Variants in RMST observed in about 807,000 individuals in gnomAD.
The protein encoded by RMST is rhabdomyosarcoma 2 associated transcript.
chr12:97,534,755 G>T (rs891194208), intron 11 of RMST, among the ~76,000 whole-genome samples: 6 of 151,620 alleles, frequency 4.0e-5, no homozygotes, highest in African/African-American at 1.5e-4. Flanking sequence ...TTCTCTTATA[G>T]CTGTGAAATA....
intron 10 of RMST, among the ~76,000 whole-genome samples, chr12:97,504,466 A>G (rs1878453596): frequency 6.6e-6 from 1 of 151,916 alleles, no homozygotes; most frequent in African/African-American, 2.4e-5. Flanking sequence ...GGTTTAATCT[A>G]AATCTTAAAT....
chr12:97,544,876 C>T, intron 11 of RMST, among the ~76,000 whole-genome samples: 1 of 152,012 alleles, frequency 6.6e-6, no homozygotes, highest in East Asian at 1.9e-4. Context: ...GATAGAATAT[C>T]AATTTCTGCC....
At chr12:97,549,873 T>C (rs537594672) in intron 11 of RMST, among the ~76,000 whole-genome samples, 1 of 152,188 alleles carries the variant, frequency 6.6e-6, no homozygotes, top group African/African-American at 2.4e-5. Context: ...AAGGGTAGGT[T>C]CAAGACCAGT....
intron 11 of RMST, chr12:97,551,836 G>A (rs1208117510): frequency 6.6e-6 from 1 of 152,092 alleles, no homozygotes; most frequent in African/African-American, 2.4e-5. Context: ...ACATAGGAAC[G>A]ACTATGCTCT....
chr12:97,555,484 G>A (rs1256295130), intron 11 of RMST, among the ~76,000 whole-genome samples: 2 of 152,170 alleles, frequency 1.3e-5, no homozygotes, highest in Non-Finnish European at 2.9e-5. Flanking sequence ...TAAATAAATA[G>A]CAGTTAAAAG....
At chr12:97,484,061 C>A (rs964051871) in intron 5 of RMST, among the ~76,000 whole-genome samples, 1 of 152,110 alleles carries the variant, frequency 6.6e-6, no homozygotes, top group Admixed American at 6.5e-5. Flanking sequence ...AACAGCTCTT[C>A]TTCTTGTGGT....
At chr12:97,499,629 T>C (rs1877848302) in intron 10 of RMST, among the ~76,000 whole-genome samples, 1 of 150,706 alleles carries the variant, frequency 6.6e-6, no homozygotes, top group Admixed American at 6.6e-5. Flanking sequence ...TTTTTCTTTT[T>C]TTTTCTTTTT....
intron 13 of RMST, chr12:97,563,926 G>T (rs1386450447): frequency 2.0e-6 from 1 of 498,408 alleles, no homozygotes; most frequent in Non-Finnish European, 4.2e-6. Flanking sequence ...CTAAGAAGGG[G>T]CCATCAGTAT....
chr12:97,546,715 T>A (rs1882959342), intron 11 of RMST, among the ~76,000 whole-genome samples: 1 of 152,236 alleles, frequency 6.6e-6, no homozygotes, highest in South Asian at 2.1e-4. Context: ...TCATGTACAA[T>A]ATGATGTTCT....
chr12:97,523,901 C>A (rs895485386), intron 10 of RMST, among the ~76,000 whole-genome samples: 70 of 151,496 alleles, frequency 4.6e-4, no homozygotes, highest in Non-Finnish European at 9.0e-4. Context: ...CACGGTGAAA[C>A]CCCATCTCTA....
intron 10 of RMST, among the ~76,000 whole-genome samples, chr12:97,528,735 AAAGT>A (rs1565932427): frequency 2.6e-5 from 4 of 152,160 alleles, no homozygotes; most frequent in South Asian, 2.1e-4. Flanking sequence ...TTTAATTTTA[AAAGT>A]AAGTGAGTGG....
chr12:97,524,599 T>C lies in RMST; in HGVS notation n.1341-6056T>C, dbSNP rs150139238. 3.9e-3 allele frequency among the ~76,000 whole-genome samples: 599 copies of C among 152,304 alleles called. 7 individuals are homozygous for C. Among genetic ancestry groups the C allele is most frequent in the African/African-American group, 0.014 (562 of 41,562 alleles). On this transcript the variant is annotated intron_variant and non_coding_transcript_variant, in intron 10 of 13. Coordinates refer to ENST00000640149, the Ensembl canonical transcript of RMST. ...ATATGTCAACTAATCTGTTTAACTA[T>C]CATCTACCTCCTGAGTTTTATGCTC... is the stretch of plus-strand genomic sequence containing the variant.
intron 12 of RMST, chr12:97,560,793 T>G (rs1321704338): frequency 6.6e-6 from 1 of 152,182 alleles, no homozygotes; most frequent in Non-Finnish European, 1.5e-5. Context: ...AAAAATCATT[T>G]TAGGTGCAGG....
chr12:97,531,046 T>A (rs1881574186), intron 11 of RMST, among the ~76,000 whole-genome samples: 1 of 149,684 alleles, frequency 6.7e-6, no homozygotes, highest in Admixed American at 6.7e-5. Context: ...ATTCATAATA[T>A]AACTAAACAG....
intron 11 of RMST, among the ~76,000 whole-genome samples, chr12:97,548,428 A>G (rs978194901): frequency 1.3e-5 from 2 of 152,102 alleles, no homozygotes; most frequent in Non-Finnish European, 2.9e-5. Context: ...TTCTGTAAAA[A>G]TGCCATTGGA....
chr12:97,483,622 A>G (rs1565919561), intron 5 of RMST: 1 of 152,190 alleles, frequency 6.6e-6, no homozygotes, highest in Admixed American at 6.5e-5. Context: ...AGTGTTCTCT[A>G]TGTGGAGGTG....
At chr12:97,483,288 A>T (rs1875664470) in intron 5 of RMST, 2 of 152,172 alleles carry the variant, frequency 1.3e-5, no homozygotes, top group African/African-American at 4.8e-5. Context: ...GTAAGCATGT[A>T]TAGATAGGTT....
chr12:97,528,385 G>A (rs1326440709), intron 10 of RMST, among the ~76,000 whole-genome samples: 1 of 151,980 alleles, frequency 6.6e-6, no homozygotes, highest in Non-Finnish European at 1.5e-5. Context: ...CTTCTTTGGA[G>A]ACATTGTTTC....
chr12:97,540,134 C>G lies in RMST; in HGVS notation n.1545+9275C>G, dbSNP rs1425428608. On this transcript the variant is annotated intron_variant and non_coding_transcript_variant, in intron 11 of 13. Transcript: ENST00000640149. ...AGATTGTAGGCGCATTGAGGGAAAT[C>G]TATTTCTTTGTTAACCTTCTGTCTA... Among the ~76,000 whole-genome samples, 3 of 151,658 alleles carry G rather than the reference C, an allele frequency of 2.0e-5. No homozygotes were observed. The East Asian group carries it at 5.8e-4, about 29-fold the overall frequency.
Sources: allele counts gnomAD v4.1 joint callset (sites outside exome capture counted in the v4.1 genomes callset), GRCh38; gene constraint gnomAD v4.1.1; transcripts MANE v1.5; gene names NCBI Gene and HGNC (gene_info 2026-07-23, HGNC 2026-07-21).